The following RCOR1 variants were observed in gnomAD, a reference collection of about 807,000 sequenced individuals.
The protein encoded by RCOR1 is REST corepressor.
Under a neutral mutation model 64.0 loss-of-function variants are expected in RCOR1, and 12 were observed. The ratio of observed to expected loss-of-function variants is 0.19; its 90% CI spans 0.12 to 0.30. The LOEUF is 0.30. Among genes scored for constraint, RCOR1 ranks in the 10% least tolerant of loss-of-function variants. RCOR1 has a pLI of 1.00. For missense variants in RCOR1, 502 were observed against 621.2 expected (o/e 0.81, Z 2.04); for synonymous variants, 279 against 227.2 (o/e 1.23, Z -2.05).
At chr14:102,654,781 GTTGAGT>G (rs1195898828) in intron 2 of RCOR1, among the ~76,000 whole-genome samples, 11 of 143,864 alleles carry the variant, frequency 7.6e-5, no homozygotes, top group Admixed American at 2.8e-4. Flanking sequence ...TTTCCCTGTG[GTTGAGT>G]TTTTTTTTTT....
intron 6 of RCOR1, among the ~76,000 whole-genome samples, chr14:102,710,015 C>T (rs1375376952): frequency 2.0e-5 from 3 of 152,230 alleles, no homozygotes; most frequent in African/African-American, 4.8e-5. Context: ...GGTGCTGCAG[C>T]AGCACCTGAT....
chr14:102,683,251 C>T (rs781052512), intron 3 of RCOR1, among the ~76,000 whole-genome samples: 2 of 152,104 alleles, frequency 1.3e-5, no homozygotes, highest in Non-Finnish European at 2.9e-5. Context: ...CACTGAGGCT[C>T]CCAGTGGACA....
intron 11 of RCOR1, 45 bp from the exon 12 acceptor site, chr14:102,726,423 C>G (rs780406944): frequency 7.0e-7 from 1 of 1,432,842 alleles, no homozygotes; most frequent in Non-Finnish European, 9.5e-7. Context: ...GTGTTGTTTA[C>G]CTACTCTTTG....
At chr14:102,655,319 A>G in intron 2 of RCOR1, 1 of 985,122 alleles carries the variant, frequency 1.0e-6, no homozygotes, top group Non-Finnish European at 1.2e-6. Context: ...ACTGGAGAAT[A>G]TCTGACCTGT....
chr14:102,679,579 C>T lies in RCOR1; in HGVS notation c.362-2316C>T, dbSNP rs989933982. Reference sequence around the variant, plus strand: ...CTGCAAGCTCCGCCTCTCGCGTTCACGCCATTCTCCTGCCTCAGTCTCCCG... The same window carrying T: ...CTGCAAGCTCCGCCTCTCGCGTTCATGCCATTCTCCTGCCTCAGTCTCCCG... On this transcript the variant is annotated intron_variant, in intron 2 of 11. Coordinates refer to ENST00000262241, the MANE Select transcript of RCOR1 (RefSeq NM_015156.4). Among the ~76,000 whole-genome samples, 6 of 151,976 alleles carry T rather than the reference C, an allele frequency of 3.9e-5. No homozygotes were observed. The South Asian group carries it at 6.2e-4, about 16-fold the overall frequency.
chr14:102,723,349 C>G (rs774448625), intron 11 of RCOR1, among the ~76,000 whole-genome samples: 22 of 152,204 alleles, frequency 1.4e-4, no homozygotes, highest in Non-Finnish European at 2.5e-4. Context: ...GGAAGTACCT[C>G]GTGAGGTATT....
At chr14:102,692,749 C>CTTCCTTCT (rs1895561306) in intron 3 of RCOR1, among the ~76,000 whole-genome samples, 1 of 136,556 alleles carries the variant, frequency 7.3e-6, no homozygotes, top group Non-Finnish European at 1.5e-5. Context: ...TCCTTCCTTC[C>CTTCCTTCT]TTCCTTCTTT....
At chr14:102,649,263 A>G (rs1417588127) in intron 2 of RCOR1, among the ~76,000 whole-genome samples, 1 of 152,226 alleles carries the variant, frequency 6.6e-6, no homozygotes, top group African/African-American at 2.4e-5. Flanking sequence ...TTTACTAGTC[A>G]TAAACTACGA....
chr14:102,718,416 C>T (rs117279102), intron 8 of RCOR1, among the ~76,000 whole-genome samples: 1,543 of 152,296 alleles, frequency 0.01, 16 homozygotes, highest in Admixed American at 0.015. Flanking sequence ...CATCATCAAC[C>T]TCTACCAGCG....
intron 2 of RCOR1, among the ~76,000 whole-genome samples, chr14:102,659,764 C>T (rs7152144): frequency 0.44 from 66,797 of 151,988 alleles, 16,598 homozygotes; most frequent in African/African-American, 0.69. Flanking sequence ...TATAATAAAT[C>T]TGAATTTGGA....
chr14:102,621,367 CTTTTTTTTTTTTTTT>C (rs35481023), intron 2 of RCOR1, among the ~76,000 whole-genome samples: 1 of 78,516 alleles, frequency 1.3e-5, no homozygotes, highest in African/African-American at 5.1e-5. Flanking sequence ...CAGTCTTTGT[CTTTTTTTTTTTTTTT>C]TTTTTTTTTT....
At chr14:102,600,363 C>G (rs1402122413) in intron 2 of RCOR1, among the ~76,000 whole-genome samples, 1 of 151,910 alleles carries the variant, frequency 6.6e-6, no homozygotes, top group East Asian at 1.9e-4. Context: ...GCGTGAGCCA[C>G]CGCGCCCAGC....
intron 2 of RCOR1, among the ~76,000 whole-genome samples, chr14:102,681,291 C>T (rs1173283613): frequency 6.6e-6 from 1 of 152,176 alleles, no homozygotes; most frequent in African/African-American, 2.4e-5. Context: ...CACTGAACCT[C>T]CTGTTTCTCG....
chr14:102,596,517 A>T (rs759469676), intron 2 of RCOR1, among the ~76,000 whole-genome samples: 1 of 152,174 alleles, frequency 6.6e-6, no homozygotes, highest in Non-Finnish European at 1.5e-5. Context: ...AAGAATTGAG[A>T]GTTTGATCCT....
intron 11 of RCOR1, 146 bp downstream of exon 11, chr14:102,722,562 G>A: frequency 1.6e-6 from 1 of 639,396 alleles, no homozygotes; most frequent in African/African-American, 1.8e-5. Context: ...TAGCCGGAAT[G>A]TGTATGCATT....
chr14:102,708,967 T>G (rs768924131), intron 6 of RCOR1, among the ~76,000 whole-genome samples: 10 of 151,646 alleles, frequency 6.6e-5, no homozygotes, highest in South Asian at 2.1e-4. Context: ...AGTTGCTGCT[T>G]CTTTTTTTGA....
chr14:102,670,451 G>A (rs1188962425), intron 2 of RCOR1, among the ~76,000 whole-genome samples: 1 of 152,074 alleles, frequency 6.6e-6, no homozygotes, highest in African/African-American at 2.4e-5. Context: ...TTGATAACAT[G>A]AAGGTAACGG....
intron 2 of RCOR1, among the ~76,000 whole-genome samples, chr14:102,648,194 T>C (rs1215019222): frequency 2.6e-5 from 4 of 152,144 alleles, no homozygotes; most frequent in Non-Finnish European, 4.4e-5. Context: ...TTCTCCTGCC[T>C]CAGCCTTTGG....
chr14:102,593,589 C>T (rs1893180116), intron 2 of RCOR1, among the ~76,000 whole-genome samples: 1 of 152,200 alleles, frequency 6.6e-6, no homozygotes, highest in Non-Finnish European at 1.5e-5. Flanking sequence ...CTGCGGGTGG[C>T]GTCGGAGGTG....
Sources: gnomAD v4.1 joint callset for allele counts (sites outside exome capture counted in the v4.1 genomes callset) on GRCh38, gnomAD v4.1.1 for gene constraint, MANE v1.5 for transcripts, NCBI Gene and HGNC (gene_info 2026-07-23, HGNC 2026-07-21) for gene names.